The following PRLR variants were observed in gnomAD, a reference collection of about 807,000 sequenced individuals.
PRLR encodes prolactin receptor.
In PRLR, 13 loss-of-function variants were observed where a neutral mutation model predicts 40.2. The ratio of observed to expected loss-of-function variants is 0.32; its 90% CI spans 0.21 to 0.51. The LOEUF (loss-of-function observed/expected upper bound fraction) is 0.51. Among genes scored for constraint, PRLR ranks in the 20% least tolerant of loss-of-function variants. PRLR has a pLI of 0.97. For missense variants in PRLR, 656 were observed against 747.3 expected (o/e 0.88, Z 1.42); for synonymous variants, 269 against 278.7 (o/e 0.97, Z 0.35).
In PRLR at chr5:35,062,709, A is replaced by T. The variant is rs1450099903; in HGVS notation, c.*2380T>A. 4 of 152,282 alleles carry T rather than the reference A, an allele frequency of 2.6e-5. No individual in the cohort carries two copies. The South Asian group carries it at 8.3e-4, about 32-fold the overall frequency. The allele number at this position is 152,282 out of a possible 1,614,324, so 9.4% of individuals were successfully genotyped here. A position where few individuals can be genotyped will look rare whatever the true frequency, so the allele number is the denominator to read the frequency against. On this transcript the variant is annotated 3_prime_UTR_variant, in exon 10 of 10. Coordinates refer to ENST00000618457, the MANE Select transcript of PRLR (RefSeq NM_000949.7). ...CTATGTTAGGAAAGATTTAGTCTGCATTGGCTTTGAGGGTGACTGTCTTTG... is the reference window on the plus strand; with the variant it reads ...CTATGTTAGGAAAGATTTAGTCTGCTTTGGCTTTGAGGGTGACTGTCTTTG...
intron 2 of PRLR, among the ~76,000 whole-genome samples, chr5:35,102,866 CT>C (rs1771990008): frequency 6.6e-6 from 1 of 151,950 alleles, no homozygotes; most frequent in Admixed American, 6.6e-5. Context: ...ATGTCTTTTT[CT>C]TTACATTCAA....
intron 1 of PRLR, among the ~76,000 whole-genome samples, chr5:35,169,428 C>A (rs548107338): frequency 3.3e-5 from 5 of 152,134 alleles, no homozygotes; most frequent in Admixed American, 3.3e-4. Flanking sequence ...GAGAATGGCC[C>A]AGGAAATCTC....
At chr5:35,114,613 C>T (rs111858870) in intron 2 of PRLR, among the ~76,000 whole-genome samples, 12 of 152,252 alleles carry the variant, frequency 7.9e-5, no homozygotes, top group African/African-American at 1.4e-4. Flanking sequence ...AAGTGGGCTC[C>T]GGGAGACTGC....
chr5:35,114,605 G>T (rs1772896404), intron 2 of PRLR, among the ~76,000 whole-genome samples: 1 of 152,202 alleles, frequency 6.6e-6, no homozygotes, highest in Non-Finnish European at 1.5e-5. Flanking sequence ...ATTGCTCTAA[G>T]TGGGCTCCGG....
At chr5:35,172,497 G>A (rs533274851) in intron 1 of PRLR, among the ~76,000 whole-genome samples, 5 of 152,292 alleles carry the variant, frequency 3.3e-5, no homozygotes, top group Admixed American at 3.3e-4. Context: ...TCTCCCTTCT[G>A]GGGTTGTGGT....
intron 5 of PRLR, chr5:35,081,544 T>G (rs1770518813): frequency 6.4e-6 from 1 of 156,008 alleles, no homozygotes; most frequent in South Asian, 1.9e-4. Flanking sequence ...GGGCACTTCT[T>G]TTATGATTTT....
At chr5:35,108,198 A>G (rs1447780987) in intron 2 of PRLR, among the ~76,000 whole-genome samples, 1 of 152,212 alleles carries the variant, frequency 6.6e-6, no homozygotes, top group Admixed American at 6.5e-5. Context: ...AACTCTCAAT[A>G]AACTAGGTAT....
At chr5:35,222,922 G>A (rs905881099) in intron 1 of PRLR, among the ~76,000 whole-genome samples, 3 of 152,208 alleles carry the variant, frequency 2.0e-5, no homozygotes, top group Admixed American at 6.5e-5. Flanking sequence ...TATTAGGCAT[G>A]ATAATAAAGC....
chr5:35,145,796 G>A (rs145945175), intron 1 of PRLR, among the ~76,000 whole-genome samples: 19 of 150,084 alleles, frequency 1.3e-4, no homozygotes, highest in African/African-American at 4.6e-4. Context: ...TTCTTCTCTG[G>A]TTAGAAACTT....
intron 1 of PRLR, among the ~76,000 whole-genome samples, chr5:35,200,407 G>A (rs1202576780): frequency 1.3e-5 from 2 of 152,204 alleles, no homozygotes; most frequent in Non-Finnish European, 2.9e-5. Flanking sequence ...AACTCTGAGG[G>A]CAGACTCAAT....
intron 4 of PRLR, 46 bp downstream of exon 4, chr5:35,086,162 G>A (rs1206773423): frequency 1.2e-6 from 2 of 1,606,046 alleles, no homozygotes; most frequent in Admixed American, 1.7e-5. Context: ...CCTGGAGAAT[G>A]GGAGTACTCA....
At chr5:35,159,320 GAA>G (rs34465230) in intron 1 of PRLR, among the ~76,000 whole-genome samples, 27,989 of 137,208 alleles carry the variant, frequency 0.2, 2,908 homozygotes, top group Middle Eastern at 0.25. Context: ...ATCAAGATAG[GAA>G]AAAAAAAAAA....
In PRLR at chr5:35,061,066, T is replaced by C. The variant is rs1185649089; in HGVS notation, c.*4023A>G. ...GCTGGTTGGCCCTTAGACCATTTTGTTGTGCCCTTTCTGGCTTCTTCTCAT... is the reference window on the plus strand; with the variant it reads ...GCTGGTTGGCCCTTAGACCATTTTGCTGTGCCCTTTCTGGCTTCTTCTCAT... On this transcript the variant is annotated 3_prime_UTR_variant, in exon 10 of 10. Transcript: ENST00000618457. The C allele has an allele frequency of 6.6e-6, 1 of 152,176 alleles. No individual in the cohort carries two copies. Among genetic ancestry groups the C allele is most frequent in the Non-Finnish European group, 1.5e-5 (1 of 68,044 alleles). The allele number at this position is 152,176 out of a possible 1,614,324, so 9.4% of individuals were successfully genotyped here.
intron 1 of PRLR, among the ~76,000 whole-genome samples, chr5:35,172,656 G>A (rs1561347322): frequency 6.6e-6 from 1 of 152,174 alleles, no homozygotes; most frequent in Non-Finnish European, 1.5e-5. Flanking sequence ...AGTTTGTCCT[G>A]TTTCCTGTAG....
At chr5:35,117,552 C>A (rs1462665608) in intron 2 of PRLR, among the ~76,000 whole-genome samples, 3 of 152,178 alleles carry the variant, frequency 2.0e-5, no homozygotes, top group Non-Finnish European at 4.4e-5. Flanking sequence ...TTCCTTGCCA[C>A]TGGCAGATGA....
Position 35,059,627 on chromosome 5 carries a change from A to G in PRLR, c.*5462T>C, listed in dbSNP as rs187851494. 6.6e-6 allele frequency: 1 copy of G among 152,298 alleles called. No individual in the cohort carries two copies. The highest frequency in any genetic ancestry group is 6.5e-5 in the Admixed American group (1 of 15,298). 9.4% of individuals were successfully genotyped at this position (152,298 alleles called of 1,614,324 possible). On this transcript the variant is annotated 3_prime_UTR_variant, in exon 10 of 10. Transcript: ENST00000618457. Reference sequence around the variant, plus strand: ...TTTTACTATCTTTTTCCTTTTATCAAAATGGGTGCCATGAGGGTCCCAGAC... The same window carrying G: ...TTTTACTATCTTTTTCCTTTTATCAGAATGGGTGCCATGAGGGTCCCAGAC...
chr5:35,135,274 G>C (rs921504929), intron 1 of PRLR: 2 of 152,252 alleles, frequency 1.3e-5, no homozygotes. Flanking sequence ...CAGGGCACAA[G>C]ACACAAACCA....
At chr5:35,195,202 G>A in intron 1 of PRLR, 1 of 152,398 alleles carries the variant, frequency 6.6e-6, no homozygotes, top group Non-Finnish European at 1.5e-5. Flanking sequence ...TCAGCTCCAT[G>A]CCAAAGCAGC....
chr5:35,120,244 C>T (rs1773240634), intron 1 of PRLR, among the ~76,000 whole-genome samples: 1 of 152,156 alleles, frequency 6.6e-6, no homozygotes, highest in Non-Finnish European at 1.5e-5. Context: ...GCAGTCATGA[C>T]TCCAGCTATC....
Sources: gnomAD v4.1 joint callset for allele counts (sites outside exome capture counted in the v4.1 genomes callset) on GRCh38, gnomAD v4.1.1 for gene constraint, MANE v1.5 for transcripts, NCBI Gene and HGNC (gene_info 2026-07-23, HGNC 2026-07-21) for gene names.